WDR27: variants seen among roughly 807,000 people sequenced by gnomAD.
WDR27 encodes WD repeat-containing protein 27.
Under a neutral mutation model 114.4 loss-of-function variants are expected in WDR27, and 100 were observed. The ratio of observed to expected loss-of-function variants is 0.87; its 90% CI spans 0.74 to 1.03. The LOEUF (loss-of-function observed/expected upper bound fraction) is 1.03, where lower values mean the gene tolerates loss of function less well. Ranked by LOEUF, WDR27 falls within the 50% of genes least tolerant of loss-of-function variation. The pLI, the probability that WDR27 is intolerant of heterozygous loss-of-function variation, is 0.00. For missense variants in WDR27, 1,129 were observed against 1,092.9 expected, an observed-to-expected ratio of 1.03 and a Z score of -0.47; for synonymous variants, 449 against 423.1, an observed-to-expected ratio of 1.06 and a Z score of -0.75.
chr6:169,636,403 A>G lies in WDR27; in HGVS notation c.1971T>C (p.Tyr657=), dbSNP rs1458404442. 11 of 1,613,858 alleles carry G rather than the reference A, an allele frequency of 6.8e-6. No homozygotes were observed. Among genetic ancestry groups the G allele is most frequent in the South Asian group, 2.2e-5 (2 of 91,094 alleles). Residue 657 remains tyrosine (Y), a synonymous_variant, in exon 19 of 26, where the codon TAT becomes TAC. Transcript: ENST00000448612. ...TCTCATCTTTGCAAGTGTCAATGTG[A>G]TACCTCAGTAGCTGAAATTCAGGGC... ...SSGPEFQLLR[Y]HIDTCKDEIK...
chr6:169,454,296 A>G (rs1192995757), downstream of WDR27, among the ~76,000 whole-genome samples: 1 of 151,986 alleles, frequency 6.6e-6, no homozygotes, highest in Non-Finnish European at 1.5e-5. Flanking sequence ...CACCACGGAG[A>G]TATCTGCTAG....
chr6:169,448,262 A>G, the WDR27 span, among the ~76,000 whole-genome samples: 1 of 151,936 alleles, frequency 6.6e-6, no homozygotes, highest in Non-Finnish European at 1.5e-5. Flanking sequence ...TATCATTCAT[A>G]GTAGCGTTTA....
Position 169,621,420 on chromosome 6 carries a change from A to G in WDR27, c.2224-7764T>C, listed in dbSNP as rs150963603. Among the ~76,000 whole-genome samples the G allele has an allele frequency of 1.5e-3, 228 of 152,132 alleles. 2 individuals carry two copies. The highest frequency in any genetic ancestry group is 5.0e-3 in the African/African-American group (206 of 41,472). On this transcript the variant is annotated intron_variant, in intron 21 of 25. Transcript: ENST00000448612. ...TGCACACATGCCTATACATACACACACGCGCATTCACACATATACATATGC... is the reference window on the plus strand; with the variant it reads ...TGCACACATGCCTATACATACACACGCGCGCATTCACACATATACATATGC...
intron 4 of WDR27, 103 bp from the exon 5 acceptor site, chr6:169,668,288 G>C: frequency 8.7e-7 from 1 of 1,154,156 alleles, no homozygotes; most frequent in East Asian, 2.5e-5. Flanking sequence ...GAAAGCTCAG[G>C]CGACAGGCAC....
chr6:169,440,241 T>C, the WDR27 span, among the ~76,000 whole-genome samples: 1 of 152,208 alleles, frequency 6.6e-6, no homozygotes, highest in African/African-American at 2.4e-5. Flanking sequence ...TGCATTGTTT[T>C]TGAGTTTTTA....
intron 24 of WDR27, among the ~76,000 whole-genome samples, chr6:169,575,241 T>C (rs559851772): frequency 6.8e-6 from 1 of 146,396 alleles, no homozygotes; most frequent in African/African-American, 2.5e-5. Flanking sequence ...TCCCTCTCTA[T>C]CCATCCATCC....
At position 169,675,316 on chromosome 6, in the gene WDR27, T is replaced by TGCCATATGACATGCCTGTTTTC; in HGVS notation, c.190-2942_190-2921dup. On this transcript the variant is annotated intron_variant, in intron 2 of 25. Transcript: ENST00000448612. ...TCCCCCCATGCCTTGCTCCTGTTTT[T>TGCCATATGACATGCCTGTTTTC]GCCATATGACATGCCTGTTTTCCCT... 2.0e-5 allele frequency among the ~76,000 whole-genome samples: 3 copies of TGCCATATGACATGCCTGTTTTC among 152,308 alleles called. No homozygotes were observed. The Middle Eastern group carries it at 0.01, about 518-fold the overall frequency.
chr6:169,470,755 T>G (rs1276276916), intron 25 of WDR27, among the ~76,000 whole-genome samples: 2 of 152,196 alleles, frequency 1.3e-5, no homozygotes, highest in African/African-American at 4.8e-5. Flanking sequence ...CTAAAAGCCC[T>G]ATCTCCAAGT....
At chr6:169,522,497 G>A (rs75367524) in intron 25 of WDR27, among the ~76,000 whole-genome samples, 3,135 of 152,058 alleles carry the variant, frequency 0.021, 69 homozygotes, top group East Asian at 0.081. Flanking sequence ...AACATTTCAC[G>A]CAGTTGCTGC....
At chr6:169,691,821 C>T (rs1036296427) in intron 1 of WDR27, among the ~76,000 whole-genome samples, 2 of 152,082 alleles carry the variant, frequency 1.3e-5, no homozygotes, top group East Asian at 1.9e-4. Flanking sequence ...ATTACAGTGA[C>T]CCTTTAAAGT....
At chr6:169,559,065 C>T (rs1032921350) in intron 25 of WDR27, 1 of 152,212 alleles carries the variant, frequency 6.6e-6, no homozygotes, top group African/African-American at 2.4e-5. Context: ...GTTCAGTTTC[C>T]TTCTCTTTCT....
At chr6:169,466,686 C>A (rs1406757692) in intron 25 of WDR27, among the ~76,000 whole-genome samples, 1 of 152,156 alleles carries the variant, frequency 6.6e-6, no homozygotes, top group Admixed American at 6.5e-5. Context: ...CCCACCAGGT[C>A]TCTCCCTAGA....
chr6:169,597,879 C>T (rs1354147689), intron 23 of WDR27, among the ~76,000 whole-genome samples: 4 of 16,914 alleles, frequency 2.4e-4, no homozygotes, highest in East Asian at 1.1e-3. Flanking sequence ...ACCATTCATA[C>T]ACACACACAC....
chr6:169,533,802 A>C lies in WDR27; in HGVS notation c.2645+38617T>G, dbSNP rs190720333. On this transcript the variant is annotated intron_variant, in intron 25 of 25. Transcript: ENST00000448612. Reference sequence around the variant, plus strand: ...AGCAACCATGCATCACCAACTGGTAATGGTTCTCAAGAAGGTAAGCCTGTG... The same window carrying C: ...AGCAACCATGCATCACCAACTGGTACTGGTTCTCAAGAAGGTAAGCCTGTG... Among the ~76,000 whole-genome samples the C allele has an allele frequency of 3.3e-5, 5 of 150,634 alleles. No homozygotes were observed. In the Admixed American group the frequency reaches 3.3e-4, roughly 10 times the overall value.
chr6:169,534,350 A>G (rs1048076743), intron 25 of WDR27, among the ~76,000 whole-genome samples: 1 of 152,158 alleles, frequency 6.6e-6, no homozygotes, highest in Admixed American at 6.5e-5. Context: ...TTGGTTTTCT[A>G]ATTTTTTTGA....
intron 25 of WDR27, among the ~76,000 whole-genome samples, chr6:169,569,954 C>T (rs966206753): frequency 6.6e-6 from 1 of 152,170 alleles, no homozygotes; most frequent in African/African-American, 2.4e-5. Context: ...TCTTCCTGCC[C>T]AACTATCTCC....
intron 25 of WDR27, among the ~76,000 whole-genome samples, chr6:169,510,227 T>C (rs1329378717): frequency 6.6e-6 from 1 of 152,180 alleles, no homozygotes; most frequent in Admixed American, 6.5e-5. Context: ...GCGTGGCAAT[T>C]CCTCAGGGAT....
At chr6:169,599,617 T>C (rs1301711199) in intron 23 of WDR27, among the ~76,000 whole-genome samples, 1 of 152,228 alleles carries the variant, frequency 6.6e-6, no homozygotes, top group Non-Finnish European at 1.5e-5. Context: ...TCCCCTTTAT[T>C]GTTTTTTATT....
At chr6:169,609,260 T>C (rs9396983) in intron 22 of WDR27, among the ~76,000 whole-genome samples, 13,753 of 152,184 alleles carry the variant, frequency 0.09, 1,791 homozygotes, top group East Asian at 0.6. Flanking sequence ...ACAGCTCCAC[T>C]AGGCAGTGCC....
Sources: gnomAD v4.1 joint callset for allele counts (sites outside exome capture counted in the v4.1 genomes callset) on GRCh38, gnomAD v4.1.1 for gene constraint, MANE v1.5 for transcripts, NCBI Gene and HGNC (gene_info 2026-07-23, HGNC 2026-07-21) for gene names.